The following CFAP299 variants were observed in gnomAD, a reference collection of about 807,000 sequenced individuals.
The protein encoded by CFAP299 is cilia- and flagella-associated protein 299.
CFAP299 carries 21 observed loss-of-function variants against 27.0 expected under a neutral mutation model. That is an observed-to-expected ratio of 0.78 (90% CI 0.55 to 1.12). CFAP299 has a LOEUF of 1.12. CFAP299 is among the 50% of genes most tolerant of loss of function. CFAP299 has a pLI of 0.00. For missense variants in CFAP299, 310 were observed against 276.6 expected, an observed-to-expected ratio of 1.12 and a Z score of -0.86; for synonymous variants, 104 against 98.1, an observed-to-expected ratio of 1.06 and a Z score of -0.36.
At chr4:80,384,202 A>G (rs577350691) in intron 2 of CFAP299, among the ~76,000 whole-genome samples, 6 of 152,218 alleles carry the variant, frequency 3.9e-5, no homozygotes, top group Admixed American at 3.3e-4. Context: ...AATCTGTTCT[A>G]CTACCTGATT....
At chr4:80,938,093 A>T (rs935132040) in intron 4 of CFAP299, among the ~76,000 whole-genome samples, 4 of 152,220 alleles carry the variant, frequency 2.6e-5, no homozygotes, top group African/African-American at 9.6e-5. Flanking sequence ...TTAACAAGTT[A>T]TTCTAGCTAT....
intron 3 of CFAP299, among the ~76,000 whole-genome samples, chr4:80,666,777 A>T (rs941768216): frequency 7.9e-5 from 12 of 152,342 alleles, no homozygotes; most frequent in African/African-American, 2.6e-4. Flanking sequence ...TAGGGAAAAA[A>T]GCAGTAGTCA....
chr4:80,384,349 A>G (rs1242384485), intron 2 of CFAP299, among the ~76,000 whole-genome samples: 2 of 152,292 alleles, frequency 1.3e-5, no homozygotes, highest in East Asian at 1.9e-4. Context: ...ATTATTTAGT[A>G]GTTTCTATAT....
chr4:80,381,726 A>G lies in CFAP299; in HGVS notation c.242+18842A>G, dbSNP rs72860705. On this transcript the variant is annotated intron_variant, in intron 2 of 5. Transcript: ENST00000358105. Reference sequence around the variant, plus strand: ...CGCGCCCGGCCCATATACATTTTTAAAATTCTTGTAAATCGCTAATCCAGT... The same window carrying G: ...CGCGCCCGGCCCATATACATTTTTAGAATTCTTGTAAATCGCTAATCCAGT... 1.7e-3 allele frequency among the ~76,000 whole-genome samples: 188 copies of G among 109,094 alleles called. 30 individuals are homozygous for G. The highest frequency in any genetic ancestry group is 3.5e-3 in the East Asian group (10 of 2,894). The allele number at this position is 109,094 out of a possible 152,430, so 71.6% of individuals were successfully genotyped here. A position where few individuals can be genotyped will look rare whatever the true frequency, so the allele number is the denominator to read the frequency against.
At chr4:80,384,817 C>G (rs1372930123) in intron 2 of CFAP299, among the ~76,000 whole-genome samples, 2 of 152,110 alleles carry the variant, frequency 1.3e-5, no homozygotes, top group African/African-American at 4.8e-5. Context: ...AGTCAATGTC[C>G]TCCTCATTCT....
chr4:80,415,452 T>G (rs1308694677), intron 2 of CFAP299, among the ~76,000 whole-genome samples: 1 of 152,348 alleles, frequency 6.6e-6, no homozygotes, highest in South Asian at 2.1e-4. Context: ...ATATTGAATC[T>G]GAATGAAATA....
chr4:80,465,484 C>T (rs1393297962), intron 2 of CFAP299, among the ~76,000 whole-genome samples: 1 of 152,116 alleles, frequency 6.6e-6, no homozygotes, highest in East Asian at 1.9e-4. Context: ...CCCACAGATC[C>T]CAGGAGCAAC....
At chr4:80,602,778 C>G (rs529895671) in intron 3 of CFAP299, among the ~76,000 whole-genome samples, 3 of 152,064 alleles carry the variant, frequency 2.0e-5, no homozygotes, top group Non-Finnish European at 4.4e-5. Flanking sequence ...AGTCTGCTCC[C>G]GTTGCAGATC....
At position 80,857,904 on chromosome 4, in the gene CFAP299, G is replaced by A. The variant is rs549546339; in HGVS notation, c.334-12089G>A. Among the ~76,000 whole-genome samples the A allele has an allele frequency of 1.1e-4, 17 of 152,214 alleles. 1 individual carries two copies. The highest frequency in any genetic ancestry group is 4.1e-4 in the African/African-American group (17 of 41,526). Reference sequence around the variant, plus strand: ...GTGTCTCTGCCCAGCTTTGGTATCAGGATGATGCTGGCCTCATAAAATGAG... The same window carrying A: ...GTGTCTCTGCCCAGCTTTGGTATCAAGATGATGCTGGCCTCATAAAATGAG... On this transcript the variant is annotated intron_variant, in intron 3 of 5. Coordinates refer to ENST00000358105, the MANE Select transcript of CFAP299 (RefSeq NM_152770.3).
intron 4 of CFAP299, among the ~76,000 whole-genome samples, chr4:80,884,898 C>T (rs954409523): frequency 6.6e-6 from 1 of 152,116 alleles, no homozygotes; most frequent in African/African-American, 2.4e-5. Context: ...AGAACCAAAA[C>T]TCCGATAAGC....
the CFAP299 span, among the ~76,000 whole-genome samples, chr4:80,321,808 G>A: frequency 1.3e-5 from 2 of 152,148 alleles, no homozygotes; most frequent in Non-Finnish European, 2.9e-5. Flanking sequence ...AGCAAGTCCC[G>A]TTGGATGTGG....
chr4:80,632,550 G>A (rs1165566165), intron 3 of CFAP299, among the ~76,000 whole-genome samples: 2 of 152,104 alleles, frequency 1.3e-5, no homozygotes, highest in Admixed American at 1.3e-4. Context: ...ACTACTGAGT[G>A]GGAGAAGTGG....
chr4:80,627,649 A>G (rs1738978188), intron 3 of CFAP299, among the ~76,000 whole-genome samples: 1 of 152,106 alleles, frequency 6.6e-6, no homozygotes, highest in Non-Finnish European at 1.5e-5. Context: ...GTAAAGTTGC[A>G]GGATACAAAA....
chr4:80,572,265 C>T (rs1395939684), intron 2 of CFAP299, among the ~76,000 whole-genome samples: 5 of 151,964 alleles, frequency 3.3e-5, no homozygotes, highest in Non-Finnish European at 5.9e-5. Context: ...TCAAATACTA[C>T]ATCTTATTCA....
intron 3 of CFAP299, among the ~76,000 whole-genome samples, chr4:80,675,134 C>T (rs1719352403): frequency 6.6e-6 from 1 of 152,178 alleles, no homozygotes; most frequent in Admixed American, 6.5e-5. Context: ...AGCTTTTCTC[C>T]TCTGATTTCT....
intron 4 of CFAP299, among the ~76,000 whole-genome samples, chr4:80,882,658 A>C (rs902369445): frequency 4.6e-5 from 7 of 152,186 alleles, no homozygotes; most frequent in Non-Finnish European, 8.8e-5. Flanking sequence ...AATTGAAAAA[A>C]AAAGTGGTAA....
chr4:80,752,634 C>A (rs916970709), intron 3 of CFAP299, among the ~76,000 whole-genome samples: 2 of 151,288 alleles, frequency 1.3e-5, no homozygotes, highest in African/African-American at 4.9e-5. Flanking sequence ...ATAACTTACA[C>A]TAATATTGTT....
chr4:80,782,240 G>T (rs947574091), intron 3 of CFAP299, among the ~76,000 whole-genome samples: 1 of 151,824 alleles, frequency 6.6e-6, no homozygotes, highest in Non-Finnish European at 1.5e-5. Context: ...TAGCAGTGAA[G>T]CTTCCACATC....
chr4:80,580,702 G>A (rs1413952589), intron 2 of CFAP299, among the ~76,000 whole-genome samples: 2 of 151,910 alleles, frequency 1.3e-5, no homozygotes, highest in Admixed American at 6.6e-5. Context: ...GCTATAGGAA[G>A]CTATGAGTGT....
Sources: gnomAD v4.1 joint callset for allele counts (sites outside exome capture counted in the v4.1 genomes callset) on GRCh38, gnomAD v4.1.1 for gene constraint, MANE v1.5 for transcripts, NCBI Gene and HGNC (gene_info 2026-07-23, HGNC 2026-07-21) for gene names.